RHD: variants seen among roughly 807,000 people sequenced by gnomAD.
RHD encodes the protein blood group Rh(D) polypeptide.
A neutral mutation model predicts 45.5 loss-of-function variants in RHD; 16 were observed. That is an observed-to-expected ratio of 0.35 (90% CI 0.24 to 0.53). The LOEUF is 0.53. Ranked by LOEUF, RHD falls within the 20% of genes least tolerant of loss-of-function variation. The pLI is 0.92. For missense variants in RHD, 306 were observed against 532.0 expected, an observed-to-expected ratio of 0.58 and a Z score of 4.18; for synonymous variants, 131 against 217.5, an observed-to-expected ratio of 0.60 and a Z score of 3.50.
At chr1:25,305,615 T>C (rs1643757716) in intron 6 of RHD, among the ~76,000 whole-genome samples, 1 of 125,832 alleles carries the variant, frequency 7.9e-6, no homozygotes, top group Admixed American at 7.8e-5. Context: ...TTGTTGTTGT[T>C]GTTGAGACGG....
rs1643523568 is a variant in RHD at position 25,303,182 on chromosome 1, C to G, written c.802-140C>G. Reference sequence around the variant, plus strand: ...TGATGAAGGACACGTAGCCCCAACACAGGGGAGAAGTGGTTTCAGGATCAG... The same window carrying G: ...TGATGAAGGACACGTAGCCCCAACAGAGGGGAGAAGTGGTTTCAGGATCAG... On this transcript the variant is annotated intron_variant, in intron 5 of 9. Transcript: ENST00000328664. 4 of 972,262 alleles carry G rather than the reference C, an allele frequency of 4.1e-6. No individual in the cohort carries two copies. In the Admixed American group the frequency reaches 8.1e-5, roughly 20 times the overall value. The allele number at this position is 972,262 out of a possible 1,614,324, so 60.2% of individuals were successfully genotyped here.
chr1:25,286,350 G>A (rs149460734), intron 2 of RHD, among the ~76,000 whole-genome samples: 2,629 of 134,564 alleles, frequency 0.02, 42 homozygotes, highest in Middle Eastern at 0.07. Flanking sequence ...TCAGCTAGGC[G>A]TGGTGGTGTG....
rs1181460176 is a variant in RHD, at chr1:25,316,234, ATG to A, written c.1074-765_1074-764del. Among the ~76,000 whole-genome samples, 10 of 129,816 alleles carry A rather than the reference ATG, an allele frequency of 7.7e-5. 2 individuals carry two copies. The highest frequency in any genetic ancestry group is 1.8e-4 in the Non-Finnish European group (10 of 55,036). The allele number at this position is 129,816 out of a possible 152,430, so 85.2% of individuals were successfully genotyped here. On this transcript the variant is annotated intron_variant, in intron 7 of 9. Coordinates refer to ENST00000328664, the MANE Select transcript of RHD (RefSeq NM_016124.6). ...GTGGAAGTATGTTCAAGGGGTAGGGATGGGCAGGGGAGATGGGTCTGAAAGCC... is the reference window on the plus strand; with the variant it reads ...GTGGAAGTATGTTCAAGGGGTAGGGAGGCAGGGGAGATGGGTCTGAAAGCC...
intron 1 of RHD, among the ~76,000 whole-genome samples, chr1:25,282,169 G>A (rs556918111): frequency 3.8e-5 from 5 of 132,592 alleles, no homozygotes; most frequent in African/African-American, 1.0e-4. Flanking sequence ...CAGCTGATAA[G>A]GAAAGTAAGC....
In RHD at chr1:25,307,210, T is replaced by C. The variant is rs1571696035; in HGVS notation, c.1073+481T>C. ...GATTTAATAAGCTAATGCAGGGACA[T>C]GCTAAGCACAACCCATCCCTGAGGC... On this transcript the variant is annotated intron_variant, in intron 7 of 9. Coordinates refer to ENST00000328664, the MANE Select transcript of RHD (RefSeq NM_016124.6). Among the ~76,000 whole-genome samples, 3 of 131,942 alleles carry C rather than the reference T, an allele frequency of 2.3e-5. No homozygotes were observed. In the South Asian group the frequency reaches 7.0e-4, roughly 31 times the overall value. 86.6% of individuals were successfully genotyped at this position (131,942 alleles called of 152,430 possible).
chr1:25,290,267 G>A lies in RHD; in HGVS notation c.336-374G>A, dbSNP rs1233417577. Among the ~76,000 whole-genome samples the A allele has an allele frequency of 5.5e-5, 7 of 126,240 alleles. 1 individual carries two copies. The highest frequency in any genetic ancestry group is 1.9e-4 in the African/African-American group (7 of 36,550). The allele number at this position is 126,240 out of a possible 152,430, so 82.8% of individuals were successfully genotyped here. The stretch of plus-strand genomic sequence containing the variant: ...CCCTCTGTTGAGCATCCGAATGATG[G>A]CAGCAGAAAAGAAGACTGGGCAGAA... On this transcript the variant is annotated intron_variant, in intron 2 of 9. Transcript: ENST00000328664.
chr1:25,302,399 G>T (rs552139881), intron 5 of RHD, among the ~76,000 whole-genome samples: 1 of 128,464 alleles, frequency 7.8e-6, no homozygotes, highest in South Asian at 2.4e-4. Context: ...GCACTGGGGG[G>T]GCTGGAGTGG....
At chr1:25,274,554 G>A (rs1407624307) in intron 1 of RHD, among the ~76,000 whole-genome samples, 1 of 133,004 alleles carries the variant, frequency 7.5e-6, no homozygotes, top group Non-Finnish European at 1.8e-5. Flanking sequence ...TGTCAGGGGA[G>A]GGAGGTGACT....
In RHD at chr1:25,305,303, CA is replaced by C. The variant is rs1018059925; in HGVS notation, c.940-1292del. Among the ~76,000 whole-genome samples, 3 of 132,366 alleles carry C rather than the reference CA, an allele frequency of 2.3e-5. 1 individual carries two copies. The highest frequency in any genetic ancestry group is 7.8e-5 in the African/African-American group (3 of 38,420). The allele number at this position is 132,366 out of a possible 152,430, so 86.8% of individuals were successfully genotyped here. The stretch of plus-strand genomic sequence containing the variant: ...TAAAGGCATAGGGTCCACCCAGGAG[CA>C]TGGTGGACCCAGATCCCTGAAAGAT... On this transcript the variant is annotated intron_variant, in intron 6 of 9. Transcript: ENST00000328664.
In RHD at chr1:25,319,532, T is replaced by C. The variant is rs532546623; in HGVS notation, c.1154-2357T>C. Among the ~76,000 whole-genome samples, 73 of 131,924 alleles carry C rather than the reference T, an allele frequency of 5.5e-4. 2 individuals carry two copies. In the East Asian group the frequency reaches 0.013, roughly 23 times the overall value. 86.5% of individuals were successfully genotyped at this position (131,924 alleles called of 152,430 possible). On this transcript the variant is annotated intron_variant, in intron 8 of 9. Coordinates refer to ENST00000328664, the MANE Select transcript of RHD (RefSeq NM_016124.6). Reference sequence around the variant, plus strand: ...GCTGAGATGGGAGGATCAGTTGAGCTTGGGAGGCAGAAGTTGCAGTGAGCT... The same window carrying C: ...GCTGAGATGGGAGGATCAGTTGAGCCTGGGAGGCAGAAGTTGCAGTGAGCT...
At chr1:25,279,738 C>G (rs1571584797) in intron 1 of RHD, among the ~76,000 whole-genome samples, 1 of 126,506 alleles carries the variant, frequency 7.9e-6, no homozygotes, top group South Asian at 2.4e-4. Context: ...GCTGAACTAC[C>G]AGGTTAGACT....
Position 25,321,970 on chromosome 1 carries a change from T to A in RHD, c.1227+8T>A. ...GACCAAGTTTTCTGGAAGGTAAGAT[T>A]TTTCACCTATTAACGTGATAGATTT... On this transcript the variant is annotated splice_region_variant and intron_variant, in intron 9 of 9. Transcript: ENST00000328664. The A allele has an allele frequency of 8.1e-7, 1 of 1,232,090 alleles. No individual in the cohort carries two copies. Among genetic ancestry groups the A allele is most frequent in the Admixed American group, 1.8e-5 (1 of 55,642 alleles). The allele number at this position is 1,232,090 out of a possible 1,614,324, so 76.3% of individuals were successfully genotyped here.
intron 1 of RHD, among the ~76,000 whole-genome samples, chr1:25,275,940 G>A (rs1347656549): frequency 7.6e-6 from 1 of 132,184 alleles, no homozygotes; most frequent in Non-Finnish European, 1.8e-5. Flanking sequence ...CTTCCAATCT[G>A]TGTTTTTCTG....
In RHD at chr1:25,305,374, ATATTTATTTATTTATT is replaced by A. The variant is rs34347122; in HGVS notation, c.940-1197_940-1182del. Among the ~76,000 whole-genome samples the A allele has an allele frequency of 1.9e-4, 20 of 106,796 alleles. 3 individuals are homozygous for A. Among genetic ancestry groups the A allele is most frequent in the East Asian group, 4.2e-4 (2 of 4,730 alleles). 70.1% of individuals were successfully genotyped at this position (106,796 alleles called of 152,430 possible). A position where few individuals can be genotyped will look rare whatever the true frequency, so the allele number is the denominator to read the frequency against. ...TTCCTGGGCTAGTTGAGGAGTCTGG[ATATTTATTTATTTATT>A]TATTTATTTATTTATTTATTTATTG... On this transcript the variant is annotated intron_variant, in intron 6 of 9. Coordinates refer to ENST00000328664, the MANE Select transcript of RHD (RefSeq NM_016124.6).
chr1:25,289,219 C>T (rs1642292696), intron 2 of RHD, among the ~76,000 whole-genome samples: 1 of 132,058 alleles, frequency 7.6e-6, no homozygotes, highest in Admixed American at 7.4e-5. Context: ...GTGTGTGAGG[C>T]AGTCTTACTC....
intron 3 of RHD, among the ~76,000 whole-genome samples, chr1:25,300,613 C>A (rs1320946255): frequency 7.6e-6 from 1 of 130,794 alleles, no homozygotes; most frequent in African/African-American, 2.6e-5. Flanking sequence ...AGTTTGAGAC[C>A]AGCCTGGCAA....
chr1:25,289,233 T>C (rs2986150), intron 2 of RHD, among the ~76,000 whole-genome samples: 2,529 of 132,672 alleles, frequency 0.019, 403 homozygotes, highest in African/African-American at 0.06. Context: ...CTTACTCTGT[T>C]GCCCAGGCTG....
intron 3 of RHD, among the ~76,000 whole-genome samples, chr1:25,296,692 T>A (rs1356036936): frequency 2.3e-5 from 3 of 128,652 alleles, no homozygotes; most frequent in African/African-American, 7.9e-5. Context: ...TGACAGTGAG[T>A]GGGTTTTCAG....
intron 1 of RHD, among the ~76,000 whole-genome samples, chr1:25,279,491 G>A (rs1448472809): frequency 8.1e-6 from 1 of 124,056 alleles, no homozygotes; most frequent in East Asian, 2.0e-4. Context: ...AACCTAGGTA[G>A]GTAGGGTTTG....
Sources: gnomAD v4.1 joint callset for allele counts (sites outside exome capture counted in the v4.1 genomes callset) on GRCh38, gnomAD v4.1.1 for gene constraint, MANE v1.5 for transcripts, NCBI Gene and HGNC (gene_info 2026-07-23, HGNC 2026-07-21) for gene names.